PPARGC1A: variants seen among roughly 807,000 people sequenced by gnomAD.
PPARGC1A encodes the protein PPARG coactivator 1 alpha.
A neutral mutation model predicts 88.7 loss-of-function variants in PPARGC1A; 25 were observed. That is an observed-to-expected ratio of 0.28 (90% CI 0.21 to 0.39). PPARGC1A has a LOEUF of 0.39. PPARGC1A is among the 10% of genes least tolerant of loss of function. The probability of loss-of-function intolerance (pLI) is 1.00; values close to 1 mark genes in which losing one functional copy is unlikely to be tolerated. For synonymous variants in PPARGC1A, 363 were observed against 355.6 expected (o/e 1.02, Z -0.24); for missense variants, 880 against 968.7 (o/e 0.91, Z 1.22).
At chr4:23,822,692 C>T (rs1017708818) in intron 7 of PPARGC1A, among the ~76,000 whole-genome samples, 2 of 151,964 alleles carry the variant, frequency 1.3e-5, no homozygotes, top group African/African-American at 2.4e-5. Flanking sequence ...CATTTCAAGC[C>T]CAGAATATCT....
chr4:24,294,478 T>C, the PPARGC1A span, among the ~76,000 whole-genome samples: 16 of 152,178 alleles, frequency 1.1e-4, no homozygotes. Flanking sequence ...ATTATCCTTT[T>C]TCTGAAATAA....
At chr4:24,242,902 G>A in the PPARGC1A span, among the ~76,000 whole-genome samples, 1 of 151,996 alleles carries the variant, frequency 6.6e-6, no homozygotes, top group Non-Finnish European at 1.5e-5. Context: ...TCACAACTCA[G>A]AGAAAACAGT....
the PPARGC1A span, among the ~76,000 whole-genome samples, chr4:24,073,526 C>T: frequency 1.3e-5 from 2 of 152,178 alleles, no homozygotes; most frequent in Non-Finnish European, 2.9e-5. Context: ...ATAGCTGAAA[C>T]CAACCTCAAG....
upstream of PPARGC1A, among the ~76,000 whole-genome samples, chr4:23,900,111 G>A (rs1445034903): frequency 6.6e-6 from 1 of 151,994 alleles, no homozygotes; most frequent in African/African-American, 2.4e-5. Context: ...AGGACTTGAT[G>A]TCTAGGCTTG....
chr4:24,126,637 A>G, the PPARGC1A span, among the ~76,000 whole-genome samples: 1 of 152,176 alleles, frequency 6.6e-6, no homozygotes, highest in African/African-American at 2.4e-5. Flanking sequence ...TAATGGCAGG[A>G]TGCCCCAAAG....
At chr4:23,997,207 A>C in the PPARGC1A span, among the ~76,000 whole-genome samples, 1 of 152,290 alleles carries the variant, frequency 6.6e-6, no homozygotes, top group African/African-American at 2.4e-5. Context: ...TTCCCTTGTA[A>C]GCTTCATGTC....
the PPARGC1A span, among the ~76,000 whole-genome samples, chr4:24,121,796 C>G: frequency 6.6e-6 from 1 of 152,170 alleles, no homozygotes; most frequent in East Asian, 1.9e-4. Context: ...GATGACACTG[C>G]CTATTGCAAT....
At chr4:23,878,680 C>T (rs1462605731) in intron 2 of PPARGC1A, among the ~76,000 whole-genome samples, 2 of 151,890 alleles carry the variant, frequency 1.3e-5, no homozygotes, top group Non-Finnish European at 1.5e-5. Context: ...CACACACAAA[C>T]GAACAACACT....
the PPARGC1A span, among the ~76,000 whole-genome samples, chr4:24,194,606 G>GCA: frequency 2.1e-5 from 2 of 93,694 alleles, no homozygotes; most frequent in African/African-American, 6.1e-5. Context: ...CAGTGGGCTG[G>GCA]CACACACGCG....
the PPARGC1A span, among the ~76,000 whole-genome samples, chr4:24,085,844 G>A: frequency 6.6e-6 from 1 of 152,072 alleles, no homozygotes; most frequent in South Asian, 2.1e-4. Flanking sequence ...CAGGCTGCTT[G>A]GGTCTCAGTC....
the PPARGC1A span, among the ~76,000 whole-genome samples, chr4:24,192,003 C>T: frequency 2.6e-5 from 4 of 152,292 alleles, no homozygotes; most frequent in Non-Finnish European, 5.9e-5. Context: ...CTTTCAGCCA[C>T]GCCTCGATGG....
At chr4:23,910,576 G>C in the PPARGC1A span, among the ~76,000 whole-genome samples, 1 of 148,478 alleles carries the variant, frequency 6.7e-6, no homozygotes, top group Non-Finnish European at 1.5e-5. Context: ...AAGTAGCTGG[G>C]ATAAGAGGTA....
chr4:24,180,058 A>G, the PPARGC1A span, among the ~76,000 whole-genome samples: 1 of 152,184 alleles, frequency 6.6e-6, no homozygotes, highest in South Asian at 2.1e-4. Context: ...TCTTCCTGCA[A>G]TGAATGACTG....
the PPARGC1A span, among the ~76,000 whole-genome samples, chr4:24,165,210 T>TA: frequency 2.0e-5 from 3 of 152,100 alleles, no homozygotes; most frequent in East Asian, 5.8e-4. Flanking sequence ...TTTTTTTATT[T>TA]AAAAAAATAA....
chr4:23,935,180 G>T, the PPARGC1A span, among the ~76,000 whole-genome samples: 2 of 152,184 alleles, frequency 1.3e-5, no homozygotes, highest in African/African-American at 4.8e-5. Context: ...CTGGGAGGTA[G>T]GGTGAGCAGG....
the PPARGC1A span, among the ~76,000 whole-genome samples, chr4:24,242,778 A>G: frequency 3.3e-5 from 5 of 151,478 alleles, no homozygotes; most frequent in East Asian, 7.8e-4. Flanking sequence ...GGCTCCCATC[A>G]CTCCCAGAGT....
chr4:24,007,144 G>T, the PPARGC1A span, among the ~76,000 whole-genome samples: 7 of 152,122 alleles, frequency 4.6e-5, no homozygotes, highest in African/African-American at 1.7e-4. Flanking sequence ...ATGAAATACA[G>T]TATTTAAAGT....
the PPARGC1A span, among the ~76,000 whole-genome samples, chr4:24,442,972 AC>A: frequency 6.6e-6 from 1 of 152,152 alleles, no homozygotes; most frequent in Non-Finnish European, 1.5e-5. Context: ...AAGCTGCCTG[AC>A]TTTTAAATAA....
At chr4:24,057,517 A>G in the PPARGC1A span, among the ~76,000 whole-genome samples, 2 of 152,138 alleles carry the variant, frequency 1.3e-5, no homozygotes, top group Admixed American at 1.3e-4. Context: ...CAATGACATA[A>G]ATCAAAATGA....
Sources: gnomAD v4.1 joint callset for allele counts (sites outside exome capture counted in the v4.1 genomes callset) on GRCh38, gnomAD v4.1.1 for gene constraint, MANE v1.5 for transcripts, NCBI Gene and HGNC (gene_info 2026-07-23, HGNC 2026-07-21) for gene names.